The following DLG2 variants were observed in gnomAD, a reference collection of about 807,000 sequenced individuals.
The protein encoded by DLG2 is disks large homolog 2.
In DLG2, 45 loss-of-function variants were observed where a neutral mutation model predicts 132.5. The observed-to-expected ratio is 0.34, with a 90% CI of 0.27 to 0.44. The LOEUF (loss-of-function observed/expected upper bound fraction) is 0.44, where lower values mean the gene tolerates loss of function less well. DLG2 is among the 20% of genes least tolerant of loss of function. The probability of loss-of-function intolerance (pLI) is 1.00; values close to 1 mark genes in which losing one functional copy is unlikely to be tolerated. For synonymous variants in DLG2, 424 were observed against 419.6 expected, an observed-to-expected ratio of 1.01 and a Z score of -0.13; for missense variants, 1,045 against 1,196.9, an observed-to-expected ratio of 0.87 and a Z score of 1.87.
chr11:85,379,093 G>C (rs527304322), intron 3 of DLG2, among the ~76,000 whole-genome samples: 1 of 152,282 alleles, frequency 6.6e-6, no homozygotes, highest in African/African-American at 2.4e-5. Flanking sequence ...CACCAGTCAT[G>C]CTTCATTCAC....
chr11:84,211,385 G>A lies in DLG2; in HGVS notation c.573+39853C>T, dbSNP rs73519723. On this transcript the variant is annotated intron_variant, in intron 8 of 27. Transcript: ENST00000376104. ...GAGACCAGTGCCATATTCTCTATAA[G>A]AGAAGCTTTCAAAATTAGTTTGAAT... Among the ~76,000 whole-genome samples the A allele has an allele frequency of 2.3e-3, 354 of 152,274 alleles. 1 individual carries two copies. The highest frequency in any genetic ancestry group is 8.0e-3 in the African/African-American group (331 of 41,560).
At chr11:85,564,617 A>G (rs1423523440) in intron 3 of DLG2, among the ~76,000 whole-genome samples, 1 of 151,998 alleles carries the variant, frequency 6.6e-6, no homozygotes, top group Non-Finnish European at 1.5e-5. Context: ...ATTGATCTAT[A>G]TATGTATCCT....
intron 6 of DLG2, among the ~76,000 whole-genome samples, chr11:84,890,305 G>C (rs538679475): frequency 6.6e-6 from 1 of 152,224 alleles, no homozygotes; most frequent in African/African-American, 2.4e-5. Context: ...TGTAGAAAAA[G>C]TACAAAAGGT....
intron 3 of DLG2, among the ~76,000 whole-genome samples, chr11:85,478,227 G>C (rs1033899766): frequency 1.3e-5 from 2 of 151,740 alleles, no homozygotes; most frequent in Admixed American, 6.6e-5. Flanking sequence ...TCACTATGTT[G>C]CCCAGGCTGG....
chr11:85,419,604 T>C (rs1332417787), intron 3 of DLG2, among the ~76,000 whole-genome samples: 3 of 152,242 alleles, frequency 2.0e-5, no homozygotes, highest in Non-Finnish European at 2.9e-5. Flanking sequence ...CATAGTCCCA[T>C]ATTTCTTGAA....
At chr11:84,132,577 G>A (rs907564487) in intron 9 of DLG2, among the ~76,000 whole-genome samples, 1 of 151,922 alleles carries the variant, frequency 6.6e-6, no homozygotes, top group African/African-American at 2.4e-5. Flanking sequence ...TTAATTTATT[G>A]AGAACCTACT....
At chr11:85,279,592 C>T (rs534889773) in intron 4 of DLG2, among the ~76,000 whole-genome samples, 1 of 152,150 alleles carries the variant, frequency 6.6e-6, no homozygotes, top group Non-Finnish European at 1.5e-5. Flanking sequence ...TCCTATTTAT[C>T]AGTGTTTACT....
intron 7 of DLG2, among the ~76,000 whole-genome samples, chr11:84,506,472 G>A (rs917204658): frequency 5.3e-5 from 8 of 152,112 alleles, no homozygotes; most frequent in Admixed American, 2.6e-4. Flanking sequence ...ATTTAAAGAT[G>A]CTATGCTTCT....
chr11:85,012,249 G>A (rs61909101), intron 6 of DLG2, among the ~76,000 whole-genome samples: 1,402 of 72,942 alleles, frequency 0.019, 162 homozygotes, highest in Non-Finnish European at 0.024. Context: ...AGATATGGCC[G>A]GGCGCAGTGG....
chr11:83,528,689 A>G (rs1043571546), intron 21 of DLG2, among the ~76,000 whole-genome samples: 8 of 152,176 alleles, frequency 5.3e-5, no homozygotes, highest in Admixed American at 2.0e-4. Flanking sequence ...GCTTGCACCT[A>G]CTAACTGTGT....
intron 6 of DLG2, among the ~76,000 whole-genome samples, chr11:84,929,386 C>T (rs2047834016): frequency 6.6e-6 from 1 of 151,790 alleles, no homozygotes; most frequent in Admixed American, 6.6e-5. Context: ...TTTAAAAACT[C>T]AACATAACAT....
At chr11:83,480,749 T>A in intron 22 of DLG2, 1 of 828,706 alleles carries the variant, frequency 1.2e-6, no homozygotes, top group Non-Finnish European at 1.9e-6. Flanking sequence ...TGACAATGAC[T>A]AGTATGTCTT....
At chr11:83,546,279 T>C (rs2096241597) in intron 19 of DLG2, among the ~76,000 whole-genome samples, 1 of 152,182 alleles carries the variant, frequency 6.6e-6, no homozygotes, top group Non-Finnish European at 1.5e-5. Context: ...ACTCAATTTA[T>C]TGGGTAGGCA....
intron 9 of DLG2, among the ~76,000 whole-genome samples, chr11:84,151,331 G>C (rs974808353): frequency 6.6e-6 from 1 of 151,936 alleles, no homozygotes; most frequent in African/African-American, 2.4e-5. Flanking sequence ...TTTCTAGCTT[G>C]TGTGTATAGA....
At chr11:84,575,466 G>C (rs1027441693) in intron 6 of DLG2, among the ~76,000 whole-genome samples, 1 of 151,932 alleles carries the variant, frequency 6.6e-6, no homozygotes, top group African/African-American at 2.4e-5. Context: ...TTCCAGGCTG[G>C]GTAAAGTGGA....
chr11:84,131,235 A>G (rs2094409109), intron 9 of DLG2, among the ~76,000 whole-genome samples: 1 of 152,022 alleles, frequency 6.6e-6, no homozygotes, highest in Admixed American at 6.6e-5. Flanking sequence ...CTGTCCAGAG[A>G]AACAGGGAAG....
At chr11:83,969,577 C>A (rs2090931128) in intron 12 of DLG2, among the ~76,000 whole-genome samples, 2 of 151,976 alleles carry the variant, frequency 1.3e-5, no homozygotes, top group Non-Finnish European at 2.9e-5. Flanking sequence ...ATTTTTTATT[C>A]TTTTTATTTT....
intron 21 of DLG2, among the ~76,000 whole-genome samples, chr11:83,496,262 C>T (rs965465584): frequency 1.3e-5 from 2 of 150,622 alleles, no homozygotes; most frequent in Admixed American, 6.6e-5. Flanking sequence ...CAAATTAAAG[C>T]CAAAGTTCAC....
intron 6 of DLG2, among the ~76,000 whole-genome samples, chr11:84,714,553 C>CTTTCTCTCTCTTTCTCTTTCTCTT (rs397956960): frequency 2.7e-5 from 3 of 109,202 alleles, no homozygotes; most frequent in African/African-American, 1.0e-4. Context: ...TTCTCTTTCT[C>CTTTCTCTCTCTTTCTCTTTCTCTT]TCTCTTTCTC....
Sources: gnomAD v4.1 joint callset for allele counts (sites outside exome capture counted in the v4.1 genomes callset) on GRCh38, gnomAD v4.1.1 for gene constraint, MANE v1.5 for transcripts, NCBI Gene and HGNC (gene_info 2026-07-23, HGNC 2026-07-21) for gene names.